The following PBLD variants were observed in gnomAD, a reference collection of about 807,000 sequenced individuals.
PBLD encodes phenazine biosynthesis-like domain-containing protein.
A neutral mutation model predicts 31.3 loss-of-function variants in PBLD; 26 were observed. The ratio of observed to expected loss-of-function variants is 0.83; its 90% CI spans 0.61 to 1.15. The LOEUF is 1.15. Among genes scored for constraint, PBLD ranks in the 50% most tolerant of loss-of-function variants. PBLD has a pLI of 0.00. For synonymous variants in PBLD, 114 were observed against 129.0 expected (o/e 0.88, Z 0.79); for missense variants, 307 against 351.7 (o/e 0.87, Z 1.02).
Position 68,288,619 on chromosome 10 carries a change from C to G in PBLD, c.555G>C (p.Leu185=), listed in dbSNP as rs370936520. The change falls in exon 8 of 10, where the codon CTG becomes CTC. Residue 185 remains leucine (L), a synonymous_variant. Transcript: ENST00000358769. ...TCACCTTCCCTGTGTTTTCAACTTG[C>G]AGCAGATTCTCCGTGTTCACTTTCA... ...ENLKVNTENL[L]QVENTGKVKG... is the part of the protein sequence containing the mutation. 1.3e-4 allele frequency: 214 copies of G among 1,614,164 alleles called. No homozygotes were observed. In the African/African-American group the frequency reaches 2.5e-3, roughly 19 times the overall value.
chr10:68,291,935 G>T, intron 6 of PBLD, 75 bp downstream of exon 6: 1 of 1,416,456 alleles, frequency 7.1e-7, no homozygotes, highest in Non-Finnish European at 9.9e-7. Context: ...CTATCTTTGT[G>T]GATCAAATGA....
At chr10:68,288,006 G>C (rs1458477283) in intron 8 of PBLD, 1 of 153,086 alleles carries the variant, frequency 6.5e-6, no homozygotes, top group South Asian at 2.1e-4. Flanking sequence ...GCAGTGAGCC[G>C]GGATCATGCC....
intron 1 of PBLD, among the ~76,000 whole-genome samples, chr10:68,326,814 C>A (rs1280682697): frequency 6.6e-6 from 1 of 151,946 alleles, no homozygotes; most frequent in Non-Finnish European, 1.5e-5. Context: ...TTTGGGAGGC[C>A]GAGGCCAGTG....
At chr10:68,319,111 G>GAAAA in intron 1 of PBLD, among the ~76,000 whole-genome samples, 1 of 115,510 alleles carries the variant, frequency 8.7e-6, no homozygotes, top group Non-Finnish European at 1.9e-5. Context: ...AAGAAAGAAA[G>GAAAA]GAAAAAGAAA....
chr10:68,314,274 G>C (rs1020935659), intron 1 of PBLD, among the ~76,000 whole-genome samples: 1 of 152,146 alleles, frequency 6.6e-6, no homozygotes, highest in African/African-American at 2.4e-5. Context: ...ACCACACCTA[G>C]CCTAAATTTA....
At chr10:68,292,421 C>T (rs1010126601) in intron 4 of PBLD, among the ~76,000 whole-genome samples, 183 bp from the exon 5 acceptor site, 2 of 152,040 alleles carry the variant, frequency 1.3e-5, no homozygotes, top group African/African-American at 4.8e-5. Context: ...ACTTGAGAAC[C>T]AAGAACATAA....
chr10:68,312,183 A>G (rs1203157680), intron 1 of PBLD, among the ~76,000 whole-genome samples: 1 of 152,234 alleles, frequency 6.6e-6, no homozygotes, highest in Non-Finnish European at 1.5e-5. Context: ...TCTTCAACGT[A>G]CTGTGTTTTA....
chr10:68,305,093 C>T (rs975336372), intron 2 of PBLD, among the ~76,000 whole-genome samples: 2 of 152,128 alleles, frequency 1.3e-5, no homozygotes, highest in African/African-American at 2.4e-5. Context: ...GGTGCAGTGG[C>T]TCAGGCCTGT....
intron 1 of PBLD, among the ~76,000 whole-genome samples, chr10:68,321,111 C>T (rs925516738): frequency 6.6e-6 from 1 of 152,178 alleles, no homozygotes; most frequent in Non-Finnish European, 1.5e-5. Context: ...CATGAGCCAC[C>T]ACCCCTAGCC....
rs1201035425 is a variant in PBLD at position 68,288,560 on chromosome 10, C to T, written c.614G>A (p.Gly205Asp). ...AAAGTCAAATGCTTGGGTCTGCCCA[C>T]CAGGCTCTCCTTTAAGGGTAAGAAT... is the stretch of plus-strand genomic sequence containing the variant. ...GLILTLKGEP[G>D]GQTQAFDFYS... The change falls in exon 8 of 10, where the codon GGT becomes GAT. Residue 205 changes from glycine (G) to aspartate (D), a missense_variant. Transcript: ENST00000358769. 2 of 1,614,110 alleles carry T rather than the reference C, an allele frequency of 1.2e-6. No homozygotes were observed. The highest frequency in any genetic ancestry group is 1.3e-5 in the African/African-American group (1 of 74,938).
At chr10:68,304,907 T>C (rs758514513) in intron 2 of PBLD, among the ~76,000 whole-genome samples, 3 of 152,214 alleles carry the variant, frequency 2.0e-5, no homozygotes, top group Non-Finnish European at 4.4e-5. Flanking sequence ...TCCCAAACTC[T>C]TGTAATAATG....
chr10:68,288,266 G>A (rs2044312885), intron 8 of PBLD: 1 of 546,754 alleles, frequency 1.8e-6, no homozygotes, highest in Non-Finnish European at 3.2e-6. Flanking sequence ...AACCCAGGCT[G>A]TCTGACACTC....
At chr10:68,311,095 C>T (rs2044661575) in intron 1 of PBLD, among the ~76,000 whole-genome samples, 1 of 152,098 alleles carries the variant, frequency 6.6e-6, no homozygotes, top group Admixed American at 6.6e-5. Context: ...TGGGTACACA[C>T]CATTAACGTA....
At chr10:68,307,837 A>G (rs186589913) in intron 1 of PBLD, among the ~76,000 whole-genome samples, 1 of 152,248 alleles carries the variant, frequency 6.6e-6, no homozygotes, top group Admixed American at 6.5e-5. Flanking sequence ...TGAAACATAC[A>G]AGAGGCATGT....
At chr10:68,289,118 G>A (rs1318822685) in intron 6 of PBLD, 99 bp from the exon 7 acceptor site, 2 of 853,270 alleles carry the variant, frequency 2.3e-6, no homozygotes, top group East Asian at 2.5e-5. Flanking sequence ...TCCACTGTGA[G>A]CCAAGCATGC....
At chr10:68,302,802 C>G (rs1202704711) in intron 2 of PBLD, among the ~76,000 whole-genome samples, 2 of 149,232 alleles carry the variant, frequency 1.3e-5, no homozygotes, top group African/African-American at 5.0e-5. Context: ...AATCATGCCA[C>G]TGTACTCCAG....
At chr10:68,305,890 T>C (rs1257689436) in intron 2 of PBLD, among the ~76,000 whole-genome samples, 1 of 152,204 alleles carries the variant, frequency 6.6e-6, no homozygotes, top group African/African-American at 2.4e-5. Context: ...TCACTGTCCC[T>C]GAAGGCCCCA....
intron 1 of PBLD, among the ~76,000 whole-genome samples, chr10:68,314,058 C>T (rs1481225442): frequency 1.3e-5 from 2 of 152,078 alleles, no homozygotes; most frequent in African/African-American, 4.8e-5. Flanking sequence ...CTCACTGCAA[C>T]CTCTGCCTCC....
At chr10:68,329,646 T>C (rs1027367792) in intron 1 of PBLD, among the ~76,000 whole-genome samples, 9 of 152,122 alleles carry the variant, frequency 5.9e-5, no homozygotes, top group Non-Finnish European at 1.2e-4. Flanking sequence ...GGACTCACAG[T>C]GTCTTGGGAC....
Sources: gnomAD v4.1 joint callset for allele counts (sites outside exome capture counted in the v4.1 genomes callset) on GRCh38, gnomAD v4.1.1 for gene constraint, MANE v1.5 for transcripts, NCBI Gene and HGNC (gene_info 2026-07-23, HGNC 2026-07-21) for gene names.